Variants in FHIT observed in about 807,000 individuals in gnomAD.
The protein encoded by FHIT is fragile histidine triad diadenosine triphosphatase.
Under a neutral mutation model 17.9 loss-of-function variants are expected in FHIT, and 19 were observed. The observed-to-expected ratio is 1.06, with a 90% CI of 0.74 to 1.56. The LOEUF (loss-of-function observed/expected upper bound fraction) is 1.56. Among genes scored for constraint, FHIT ranks in the 40% most tolerant of loss-of-function variants. The probability of loss-of-function intolerance (pLI) is 0.00; values close to 1 mark genes in which losing one functional copy is unlikely to be tolerated. For missense variants in FHIT, 248 were observed against 189.2 expected (o/e 1.31, Z -1.82); for synonymous variants, 81 against 69.7 (o/e 1.16, Z -0.81).
At chr3:60,104,336 C>A (rs1275264889) in intron 5 of FHIT, among the ~76,000 whole-genome samples, 1 of 152,086 alleles carries the variant, frequency 6.6e-6, no homozygotes, top group Non-Finnish European at 1.5e-5. Context: ...ATTTTGTGTT[C>A]AATGTGTGCA....
At chr3:60,457,706 A>G (rs2032194505) in intron 5 of FHIT, among the ~76,000 whole-genome samples, 2 of 150,562 alleles carry the variant, frequency 1.3e-5, no homozygotes, top group Admixed American at 6.7e-5. Context: ...AATATCCAGA[A>G]TCTACAATGA....
At chr3:60,227,852 T>C (rs1232298399) in intron 5 of FHIT, among the ~76,000 whole-genome samples, 1 of 152,154 alleles carries the variant, frequency 6.6e-6, no homozygotes, top group African/African-American at 2.4e-5. Flanking sequence ...ACAGAGCTGA[T>C]TTGGGGTTAA....
chr3:60,457,453 T>C (rs1055847538), intron 5 of FHIT, among the ~76,000 whole-genome samples: 2,444 of 151,988 alleles, frequency 0.016, 55 homozygotes, highest in African/African-American at 0.056. Context: ...AAGACTTAAA[T>C]GTTAGACCTA....
chr3:60,307,509 C>G lies in FHIT; in HGVS notation c.103+229351G>C, dbSNP rs112543362. Among the ~76,000 whole-genome samples the G allele has an allele frequency of 3.7e-3, 559 of 152,216 alleles. 4 individuals carry two copies. The highest frequency in any genetic ancestry group is 0.013 in the African/African-American group (534 of 41,544). On this transcript the variant is annotated intron_variant, in intron 5 of 9. Transcript: ENST00000492590. ...TTGAGTTTTTACCATCAAATAAAAT[C>G]TTCAGTGTGTTGTTTGACAATGATA...
At chr3:60,191,253 C>A (rs968078052) in intron 5 of FHIT, among the ~76,000 whole-genome samples, 3 of 151,988 alleles carry the variant, frequency 2.0e-5, no homozygotes, top group African/African-American at 7.2e-5. Flanking sequence ...AGAATTTATA[C>A]AAAAATAATG....
chr3:60,862,596 T>C (rs1439205636), intron 3 of FHIT, among the ~76,000 whole-genome samples: 1 of 152,150 alleles, frequency 6.6e-6, no homozygotes, highest in Non-Finnish European at 1.5e-5. Flanking sequence ...ACGCCTGTAA[T>C]ACCAGCACTT....
At chr3:61,202,917 A>T (rs530415777) in intron 1 of FHIT, among the ~76,000 whole-genome samples, 1 of 152,134 alleles carries the variant, frequency 6.6e-6, no homozygotes, top group South Asian at 2.1e-4. Context: ...GCGGTGGCTC[A>T]CTCCTGTAAT....
chr3:60,111,949 T>C (rs778780170), intron 5 of FHIT, among the ~76,000 whole-genome samples: 11 of 152,196 alleles, frequency 7.2e-5, no homozygotes, highest in Non-Finnish European at 1.3e-4. Flanking sequence ...TTGCCTCTAT[T>C]ATTTGTATCT....
chr3:59,879,144 T>G (rs1703293952), intron 8 of FHIT, among the ~76,000 whole-genome samples: 1 of 152,242 alleles, frequency 6.6e-6, no homozygotes, highest in Non-Finnish European at 1.5e-5. Flanking sequence ...CAGAGATTAC[T>G]GATTACATCA....
intron 4 of FHIT, among the ~76,000 whole-genome samples, chr3:60,631,960 T>A (rs1553682540): frequency 6.6e-6 from 1 of 152,132 alleles, no homozygotes; most frequent in Admixed American, 6.6e-5. Context: ...CATCTTCTAC[T>A]GGGATTTAGA....
intron 4 of FHIT, among the ~76,000 whole-genome samples, chr3:60,680,229 C>T (rs1234063213): frequency 6.6e-6 from 1 of 152,076 alleles, no homozygotes; most frequent in African/African-American, 2.4e-5. Context: ...TTATTTTTCC[C>T]TTTAATTTTG....
intron 5 of FHIT, among the ~76,000 whole-genome samples, chr3:60,472,489 C>CTA (rs1361340743): frequency 6.6e-6 from 1 of 151,860 alleles, no homozygotes; most frequent in Non-Finnish European, 1.5e-5. Context: ...CTGCCTCAGC[C>CTA]TACCGAGTAG....
intron 8 of FHIT, among the ~76,000 whole-genome samples, chr3:59,853,912 T>C (rs1218924869): frequency 1.3e-5 from 2 of 152,150 alleles, no homozygotes; most frequent in African/African-American, 2.4e-5. Context: ...ATCTCAGTGC[T>C]CCTTCGTTGC....
intron 5 of FHIT, among the ~76,000 whole-genome samples, chr3:60,248,587 A>T (rs1011184638): frequency 7.2e-5 from 11 of 152,176 alleles, no homozygotes; most frequent in Non-Finnish European, 1.3e-4. Context: ...TCATTTGAAG[A>T]AACTCTGAGA....
chr3:60,349,788 C>T (rs193128405), intron 5 of FHIT, among the ~76,000 whole-genome samples: 3 of 152,254 alleles, frequency 2.0e-5, no homozygotes, highest in South Asian at 2.1e-4. Context: ...AAGCCAGTTC[C>T]ATTGCTGAAT....
intron 8 of FHIT, among the ~76,000 whole-genome samples, chr3:59,814,658 T>C (rs1228478013): frequency 6.6e-6 from 1 of 152,128 alleles, no homozygotes; most frequent in Non-Finnish European, 1.5e-5. Context: ...CCACACAGCT[T>C]TTAAACATAA....
intron 3 of FHIT, among the ~76,000 whole-genome samples, chr3:61,003,729 C>A (rs2031255546): frequency 6.6e-6 from 1 of 152,220 alleles, no homozygotes. Context: ...AAAAAATGTT[C>A]TTTATTATTT....
At chr3:60,799,364 G>A (rs1459462519) in intron 4 of FHIT, among the ~76,000 whole-genome samples, 1 of 152,122 alleles carries the variant, frequency 6.6e-6, no homozygotes, top group African/African-American at 2.4e-5. Flanking sequence ...AGTAGAGACA[G>A]GGTTTCTCCA....
intron 3 of FHIT, among the ~76,000 whole-genome samples, chr3:60,861,795 A>T (rs1703913095): frequency 6.6e-6 from 1 of 152,040 alleles, no homozygotes; most frequent in Non-Finnish European, 1.5e-5. Context: ...AACCAAAATA[A>T]ATATAATCCT....
Sources: allele counts gnomAD v4.1 joint callset (sites outside exome capture counted in the v4.1 genomes callset), GRCh38; gene constraint gnomAD v4.1.1; transcripts MANE v1.5; gene names NCBI Gene and HGNC (gene_info 2026-07-23, HGNC 2026-07-21).